CCDC171: variants seen among roughly 807,000 people sequenced by gnomAD.
CCDC171 encodes the protein coiled-coil domain-containing protein 171.
CCDC171 carries 177 observed loss-of-function variants against 168.2 expected under a neutral mutation model. The ratio of observed to expected loss-of-function variants is 1.05; its 90% confidence interval spans 0.93 to 1.19. CCDC171 has a LOEUF of 1.19. Among genes scored for constraint, CCDC171 ranks in the 50% most tolerant of loss-of-function variants. The pLI, the probability that CCDC171 is intolerant of heterozygous loss-of-function variation, is 0.00. For missense variants in CCDC171, 1,991 were observed against 1,539.0 expected (o/e 1.29, Z -4.91); for synonymous variants, 687 against 540.8 (o/e 1.27, Z -3.75).
chr9:15,748,628 G>T (rs1285255325), intron 18 of CCDC171, among the ~76,000 whole-genome samples: 1 of 152,174 alleles, frequency 6.6e-6, no homozygotes, highest in Non-Finnish European at 1.5e-5. Flanking sequence ...GGATCTCTTA[G>T]CAGAAACCCT....
intron 24 of CCDC171, among the ~76,000 whole-genome samples, chr9:15,909,585 T>C (rs958849211): frequency 4.3e-4 from 65 of 152,306 alleles, no homozygotes; most frequent in African/African-American, 1.2e-3. Context: ...CAATTCCACA[T>C]CTTTGATGGG....
rs377260036 is a variant in CCDC171, at chr9:15,648,378, G to C, written c.823-8749G>C. 6.6e-5 allele frequency among the ~76,000 whole-genome samples: 10 copies of C among 152,280 alleles called. No individual in the cohort carries two copies. The East Asian group carries it at 1.7e-3, about 26-fold the overall frequency. Reference sequence around the variant, plus strand: ...TCTCTCACCATTCCTATTCAACATAGTGTTGGAAGTTCTGGCCAGGGCAAT... The same window carrying C: ...TCTCTCACCATTCCTATTCAACATACTGTTGGAAGTTCTGGCCAGGGCAAT... On this transcript the variant is annotated intron_variant, in intron 7 of 25. Transcript: ENST00000380701.
At chr9:15,639,606 G>C (rs970880076) in intron 7 of CCDC171, among the ~76,000 whole-genome samples, 3 of 152,060 alleles carry the variant, frequency 2.0e-5, no homozygotes, top group Admixed American at 1.3e-4. Context: ...GTGTTCTCCA[G>C]TTTATTTCTA....
chr9:16,094,786 A>C, the CCDC171 span, among the ~76,000 whole-genome samples: 3 of 152,368 alleles, frequency 2.0e-5, no homozygotes, highest in Middle Eastern at 6.8e-3. Flanking sequence ...AGGTCATCCA[A>C]GAAACAGGTT....
intron 21 of CCDC171, among the ~76,000 whole-genome samples, chr9:15,810,915 T>C (rs1588644658): frequency 6.6e-6 from 1 of 152,138 alleles, no homozygotes; most frequent in Admixed American, 6.5e-5. Context: ...GCCGAGGAGG[T>C]GCTGAGAGCG....
chr9:15,985,255 G>C (rs1831949119), intron 3 of CCDC171, among the ~76,000 whole-genome samples: 6 of 152,018 alleles, frequency 3.9e-5, no homozygotes, highest in Admixed American at 3.9e-4. Context: ...CAAGTGAAAA[G>C]GTTTTTTTTT....
In CCDC171 at chr9:16,023,902, A is replaced by G. The variant is rs573690756; in HGVS notation, n.998+994A>G. ...CATGTTACCTTACATGGCAAAAGGA[A>G]CTTTCTGGTTAAATTAAGAATCTTG... On this transcript the variant is annotated intron_variant and non_coding_transcript_variant, in intron 6 of 9. Coordinates refer to the CCDC171 transcript ENST00000486641. Among the ~76,000 whole-genome samples the G allele has an allele frequency of 2.4e-4, 34 of 142,942 alleles. No homozygotes were observed. In the East Asian group the frequency reaches 6.2e-3, roughly 26 times the overall value. The allele number at this position is 142,942 out of a possible 152,430, so 93.8% of individuals were successfully genotyped here. A position where few individuals can be genotyped will look rare whatever the true frequency, so the allele number is the denominator to read the frequency against.
intron 7 of CCDC171, among the ~76,000 whole-genome samples, chr9:15,641,419 AC>A (rs1161358137): frequency 6.6e-6 from 1 of 152,142 alleles, no homozygotes; most frequent in Non-Finnish European, 1.5e-5. Flanking sequence ...TGTAGTAGAA[AC>A]TGTTTTGTTT....
chr9:16,102,507 G>A, the CCDC171 span, among the ~76,000 whole-genome samples: 3 of 139,020 alleles, frequency 2.2e-5, no homozygotes, highest in African/African-American at 7.7e-5. Flanking sequence ...GCGGGGGTGG[G>A]GGCAGGGGGG....
At chr9:15,995,409 A>T (rs750933389) in intron 3 of CCDC171, among the ~76,000 whole-genome samples, 1 of 152,214 alleles carries the variant, frequency 6.6e-6, no homozygotes, top group Non-Finnish European at 1.5e-5. Context: ...TTGTTAGCGT[A>T]ATAATGGACT....
At position 15,818,446 on chromosome 9, in the gene CCDC171, A is replaced by T. The variant is rs1041043949; in HGVS notation, c.3268-28256A>T. Among the ~76,000 whole-genome samples, 9 of 115,614 alleles carry T rather than the reference A, an allele frequency of 7.8e-5. 2 individuals carry two copies. The highest frequency in any genetic ancestry group is 2.5e-4 in the Admixed American group (3 of 12,184). 75.8% of individuals were successfully genotyped at this position (115,614 alleles called of 152,430 possible). ...AATGGCAAAGAAGTTAAAAACCTTT[A>T]AAAAAAAATTAGACGAATGGCTAAC... On this transcript the variant is annotated intron_variant, in intron 21 of 25. Coordinates refer to ENST00000380701, the MANE Select transcript of CCDC171 (RefSeq NM_173550.4).
chr9:15,805,273 G>C (rs1325650127), intron 21 of CCDC171, among the ~76,000 whole-genome samples: 1 of 151,896 alleles, frequency 6.6e-6, no homozygotes, highest in Non-Finnish European at 1.5e-5. Flanking sequence ...GTTATTTCTT[G>C]TCTTTTGCTA....
At chr9:15,599,103 A>G (rs10756676) in intron 6 of CCDC171, among the ~76,000 whole-genome samples, 62,861 of 151,950 alleles carry the variant, frequency 0.41, 14,529 homozygotes, top group East Asian at 0.75. Flanking sequence ...TCTTTATCCA[A>G]TTTGCCAGTG....
At chr9:15,703,994 A>T (rs979391236) in intron 11 of CCDC171, among the ~76,000 whole-genome samples, 3 of 152,224 alleles carry the variant, frequency 2.0e-5, no homozygotes, top group African/African-American at 4.8e-5. Context: ...GAATTACCAA[A>T]ATATGACATG....
At chr9:16,024,035 G>A (rs1833227260) in intron 6 of CCDC171, among the ~76,000 whole-genome samples, 1 of 152,056 alleles carries the variant, frequency 6.6e-6, no homozygotes, top group Non-Finnish European at 1.5e-5. Flanking sequence ...GATGAGGGAA[G>A]CAGAGGTCAG....
chr9:16,045,322 T>C (rs1239826217), intron 1 of CCDC171, among the ~76,000 whole-genome samples: 1 of 152,146 alleles, frequency 6.6e-6, no homozygotes, highest in Non-Finnish European at 1.5e-5. Context: ...TGTGGACAAC[T>C]GGATCTTAAC....
chr9:15,927,249 G>A (rs1457398057), intron 25 of CCDC171, among the ~76,000 whole-genome samples: 7 of 151,438 alleles, frequency 4.6e-5, no homozygotes, highest in Admixed American at 4.6e-4. Flanking sequence ...TTGGTCTTTG[G>A]CCCATTAACT....
At chr9:16,025,495 A>T (rs2133031737) in intron 6 of CCDC171, among the ~76,000 whole-genome samples, 1 of 152,232 alleles carries the variant, frequency 6.6e-6, no homozygotes. Context: ...TTGGACAGGG[A>T]TATTGATAGT....
At chr9:15,634,307 TTACAATC>T (rs996706074) in intron 7 of CCDC171, among the ~76,000 whole-genome samples, 38 of 152,150 alleles carry the variant, frequency 2.5e-4, no homozygotes, top group African/African-American at 9.2e-4. Context: ...TTTTTAAACA[TTACAATC>T]TATAGGTCTT....
Sources: allele counts gnomAD v4.1 joint callset (sites outside exome capture counted in the v4.1 genomes callset), GRCh38; gene constraint gnomAD v4.1.1; transcripts MANE v1.5; gene names NCBI Gene and HGNC (gene_info 2026-07-23, HGNC 2026-07-21).